The following CACNB4 variants were observed in gnomAD, a reference collection of about 807,000 sequenced individuals.
The protein encoded by CACNB4 is calcium voltage-gated channel auxiliary subunit beta 4.
In CACNB4, 32 loss-of-function variants were observed where a neutral mutation model predicts 71.2. The observed-to-expected ratio is 0.45, with a 90% confidence interval of 0.34 to 0.60. The LOEUF is 0.60. CACNB4 is among the 20% of genes least tolerant of loss of function. The pLI is 0.01. For missense variants in CACNB4, 464 were observed against 647.9 expected (o/e 0.72, Z 3.08); for synonymous variants, 231 against 236.9 (o/e 0.97, Z 0.23).
chr2:151,872,205 TC>T (rs1245502580), intron 6 of CACNB4: 1 of 504,968 alleles, frequency 2.0e-6, no homozygotes, highest in African/African-American at 2.0e-5. Flanking sequence ...ATAAGATTTT[TC>T]AAAATTATAT....
intron 2 of CACNB4, among the ~76,000 whole-genome samples, chr2:151,926,558 C>G (rs114814370): frequency 6.9e-4 from 104 of 149,960 alleles, no homozygotes; most frequent in African/African-American, 2.5e-3. Context: ...TCAGAGAGCT[C>G]AGGGATTTTG....
Position 151,853,496 on chromosome 2 carries a change from G to A in CACNB4, c.1068C>T (p.His356=). The A allele has an allele frequency of 6.2e-7, 1 of 1,601,092 alleles. No homozygotes were observed. ...CAGCTGCCACCAGTTGAACATTCAA[G>A]TGTTTACTTTGTGACTTTCCTCTAG... ...IKSRGKSQSK[H]LNVQLVAADK... Residue 356 remains histidine (H), a synonymous_variant, in exon 12 of 14, where the codon CAC becomes CAT. Coordinates refer to ENST00000539935, the MANE Select transcript of CACNB4 (RefSeq NM_000726.5).
chr2:152,013,931 C>T (rs1038429225), intron 2 of CACNB4, among the ~76,000 whole-genome samples: 7 of 152,248 alleles, frequency 4.6e-5, no homozygotes, highest in African/African-American at 1.7e-4. Flanking sequence ...GCAGTTCCAT[C>T]TGTTCTGCAG....
chr2:151,964,150 A>G (rs565994169), intron 2 of CACNB4, among the ~76,000 whole-genome samples: 7 of 151,912 alleles, frequency 4.6e-5, no homozygotes, highest in African/African-American at 1.4e-4. Context: ...CTAAATCTCT[A>G]TCAGTGGGAA....
chr2:152,002,914 C>T (rs1053679295), intron 2 of CACNB4, among the ~76,000 whole-genome samples: 2 of 152,150 alleles, frequency 1.3e-5, no homozygotes, highest in Non-Finnish European at 2.9e-5. Flanking sequence ...TTGAGTTTAG[C>T]AGAAAGTCTC....
At position 152,015,406 on chromosome 2, in the gene CACNB4, C is replaced by T. The variant is rs148723243; in HGVS notation, c.147+82924G>A. On this transcript the variant is annotated intron_variant, in intron 2 of 13. Coordinates refer to ENST00000539935, the MANE Select transcript of CACNB4 (RefSeq NM_000726.5). Reference sequence around the variant, plus strand: ...TCAGCTTCCCAAAGTGCTGGGATTACAGGCGTGAGCCACCATGCCCAGCCA... The same window carrying T: ...TCAGCTTCCCAAAGTGCTGGGATTATAGGCGTGAGCCACCATGCCCAGCCA... 1.6e-3 allele frequency among the ~76,000 whole-genome samples: 250 copies of T among 152,338 alleles called. 2 individuals carry two copies. The highest frequency in any genetic ancestry group is 5.8e-3 in the African/African-American group (242 of 41,574).
intron 2 of CACNB4, among the ~76,000 whole-genome samples, chr2:151,991,867 C>T (rs1681724605): frequency 6.6e-6 from 1 of 152,046 alleles, no homozygotes; most frequent in Non-Finnish European, 1.5e-5. Flanking sequence ...TAACGACTTT[C>T]GGAGGGGATC....
chr2:151,870,528 T>C lies in CACNB4; in HGVS notation c.699+3A>G. ...ACTGAAGAGTAACAGATGATATTTG[T>C]ACCTCGTAACCTTTCAGTGACGGCC... On this transcript the variant is annotated splice_donor_region_variant and intron_variant, in intron 8 of 13. Coordinates refer to ENST00000539935, the MANE Select transcript of CACNB4 (RefSeq NM_000726.5). The C allele has an allele frequency of 6.2e-7, 1 of 1,611,342 alleles. No homozygotes were observed. Among genetic ancestry groups the C allele is most frequent in the East Asian group, 2.2e-5 (1 of 44,854 alleles).
At chr2:151,880,570 A>G (rs1334616774) in intron 4 of CACNB4, 2 of 527,996 alleles carry the variant, frequency 3.8e-6, no homozygotes, top group South Asian at 2.4e-5. Context: ...AATCTATGCT[A>G]TAATTTTAAG....
intron 2 of CACNB4, among the ~76,000 whole-genome samples, chr2:152,086,315 A>C (rs1687659900): frequency 6.6e-6 from 1 of 152,256 alleles, no homozygotes. Context: ...ACAAAGAAAC[A>C]GAAAGAATAA....
chr2:151,904,255 C>A (rs1245233974), intron 2 of CACNB4, among the ~76,000 whole-genome samples: 1 of 152,298 alleles, frequency 6.6e-6, no homozygotes, highest in Admixed American at 6.5e-5. Flanking sequence ...ACTAAAGATT[C>A]AAATCCTCAC....
At chr2:151,910,644 C>A (rs752774382) in intron 2 of CACNB4, among the ~76,000 whole-genome samples, 4 of 150,280 alleles carry the variant, frequency 2.7e-5, no homozygotes, top group Non-Finnish European at 6.0e-5. Context: ...AGGTTCTTGC[C>A]CCATTAGTCT....
In CACNB4 at chr2:152,070,932, T is replaced by C; in HGVS notation, c.147+27398A>G. On this transcript the variant is annotated intron_variant, in intron 2 of 13. Transcript: ENST00000539935. Reference sequence around the variant, plus strand: ...ACAGGCACACACCATCACACCCGGCTAATTTTTGTATTTTTGTAGAAACAG... The same window carrying C: ...ACAGGCACACACCATCACACCCGGCCAATTTTTGTATTTTTGTAGAAACAG... Among the ~76,000 whole-genome samples, 2 of 152,194 alleles carry C rather than the reference T, an allele frequency of 1.3e-5. 1 individual carries two copies. Among genetic ancestry groups the C allele is most frequent in the Admixed American group, 1.3e-4 (2 of 15,286 alleles).
intron 12 of CACNB4, among the ~76,000 whole-genome samples, chr2:151,845,417 CT>C (rs2151327774): frequency 6.6e-6 from 1 of 152,282 alleles, no homozygotes; most frequent in African/African-American, 2.4e-5. Flanking sequence ...GACAATTTTT[CT>C]CTTTAGCTGT....
chr2:151,893,590 T>C (rs1244863068), intron 2 of CACNB4, among the ~76,000 whole-genome samples: 2 of 152,068 alleles, frequency 1.3e-5, no homozygotes, highest in Non-Finnish European at 2.9e-5. Flanking sequence ...TTAAAGGCAA[T>C]ATTATATATA....
chr2:152,005,301 GA>G (rs1682658620), intron 2 of CACNB4, among the ~76,000 whole-genome samples: 1 of 152,204 alleles, frequency 6.6e-6, no homozygotes, highest in African/African-American at 2.4e-5. Flanking sequence ...ATCAGACAAA[GA>G]AAACGTGGGA....
At chr2:151,928,330 T>C (rs972443056) in intron 2 of CACNB4, among the ~76,000 whole-genome samples, 5 of 152,210 alleles carry the variant, frequency 3.3e-5, no homozygotes, top group Non-Finnish European at 5.9e-5. Flanking sequence ...AAATTGTAGA[T>C]ACCTGAATAC....
intron 2 of CACNB4, among the ~76,000 whole-genome samples, chr2:151,979,738 G>C (rs2099874403): frequency 6.6e-6 from 1 of 152,226 alleles, no homozygotes; most frequent in South Asian, 2.1e-4. Flanking sequence ...GGACAGACAG[G>C]GATGGCGTGG....
intron 2 of CACNB4, among the ~76,000 whole-genome samples, chr2:151,944,624 T>A (rs1488183898): frequency 6.6e-6 from 1 of 151,992 alleles, no homozygotes; most frequent in Non-Finnish European, 1.5e-5. Context: ...AAACTCCATC[T>A]CAACTTAAAA....
Sources: allele counts gnomAD v4.1 joint callset (sites outside exome capture counted in the v4.1 genomes callset), GRCh38; gene constraint gnomAD v4.1.1; transcripts MANE v1.5; gene names NCBI Gene and HGNC (gene_info 2026-07-23, HGNC 2026-07-21).